Variants in PHACTR1 observed in about 807,000 individuals in gnomAD.
The protein encoded by PHACTR1 is RPEL repeat containing 1.
Under a neutral mutation model 69.2 loss-of-function variants are expected in PHACTR1, and 16 were observed. The ratio of observed to expected loss-of-function variants is 0.23; its 90% confidence interval spans 0.16 to 0.35. The LOEUF (loss-of-function observed/expected upper bound fraction) is 0.35. PHACTR1 is among the 10% of genes least tolerant of loss of function. The pLI is 1.00. For missense variants in PHACTR1, 510 were observed against 734.7 expected, an observed-to-expected ratio of 0.69 and a Z score of 3.54; for synonymous variants, 312 against 284.5, an observed-to-expected ratio of 1.10 and a Z score of -0.97.
At chr6:13,161,682 T>G (rs145155966) in intron 6 of PHACTR1, among the ~76,000 whole-genome samples, 4 of 152,296 alleles carry the variant, frequency 2.6e-5, no homozygotes, top group Non-Finnish European at 5.9e-5. Flanking sequence ...TGGCGCATCT[T>G]TCAGACTCCA....
intron 4 of PHACTR1, among the ~76,000 whole-genome samples, chr6:12,959,109 G>A (rs754878733): frequency 1.4e-5 from 2 of 147,520 alleles, no homozygotes; most frequent in African/African-American, 2.5e-5. Flanking sequence ...CCCAGGAGGC[G>A]GAGGCTGCAG....
intron 4 of PHACTR1, among the ~76,000 whole-genome samples, chr6:12,786,694 A>G (rs967090549): frequency 6.6e-6 from 1 of 152,230 alleles, no homozygotes; most frequent in African/African-American, 2.4e-5. Context: ...GTACAAGAGC[A>G]AAGCTCTTCA....
intron 4 of PHACTR1, among the ~76,000 whole-genome samples, chr6:12,893,088 A>G (rs1399053931): frequency 6.6e-6 from 1 of 152,216 alleles, no homozygotes. Flanking sequence ...ATTGGAAAGA[A>G]AGGAAAATCA....
At chr6:13,108,038 A>T (rs1816455560) in intron 5 of PHACTR1, among the ~76,000 whole-genome samples, 1 of 152,124 alleles carries the variant, frequency 6.6e-6, no homozygotes, top group Non-Finnish European at 1.5e-5. Context: ...CACTTAAAGC[A>T]CTGCTTCAGC....
At chr6:12,847,660 G>GA (rs1454041809) in intron 4 of PHACTR1, among the ~76,000 whole-genome samples, 1 of 151,828 alleles carries the variant, frequency 6.6e-6, no homozygotes, top group Admixed American at 6.6e-5. Flanking sequence ...TCTAGTATAA[G>GA]AAAAAAATTA....
At chr6:13,147,336 C>T (rs1399984325) in intron 5 of PHACTR1, among the ~76,000 whole-genome samples, 3 of 152,212 alleles carry the variant, frequency 2.0e-5, no homozygotes, top group Admixed American at 2.0e-4. Context: ...TTCCTCGGTG[C>T]ACTCCCAAGA....
In PHACTR1 at chr6:12,874,329, T is replaced by A. The variant is rs143801849; in HGVS notation, c.250+124539T>A. ...CAATCCAGTAAGGGGCATCTGAGAG[T>A]TGAGAATAAGGGGAGAGCTGAACTC... is the stretch of plus-strand genomic sequence containing the variant. On this transcript the variant is annotated intron_variant, in intron 4 of 14. Transcript: ENST00000332995. 3.9e-4 allele frequency among the ~76,000 whole-genome samples: 59 copies of A among 152,040 alleles called. 2 individuals carry two copies. The East Asian group carries it at 8.5e-3, about 22-fold the overall frequency.
intron 4 of PHACTR1, among the ~76,000 whole-genome samples, chr6:12,897,263 C>T (rs561695872): frequency 2.0e-5 from 3 of 152,286 alleles, no homozygotes; most frequent in East Asian, 3.9e-4. Flanking sequence ...GGAGATTTAG[C>T]GGTATCTATG....
chr6:12,869,642 G>A (rs1241733848), intron 4 of PHACTR1, among the ~76,000 whole-genome samples: 1 of 152,162 alleles, frequency 6.6e-6, no homozygotes, highest in Non-Finnish European at 1.5e-5. Flanking sequence ...GCTGACCATA[G>A]TGCTTTTGTT....
chr6:13,101,267 TC>T (rs2037569999), intron 5 of PHACTR1, among the ~76,000 whole-genome samples: 1 of 152,206 alleles, frequency 6.6e-6, no homozygotes, highest in East Asian at 1.9e-4. Flanking sequence ...AGAACTCACT[TC>T]TATAACAGTC....
At chr6:12,833,919 C>T (rs1176214557) in intron 4 of PHACTR1, among the ~76,000 whole-genome samples, 1 of 152,084 alleles carries the variant, frequency 6.6e-6, no homozygotes, top group Admixed American at 6.6e-5. Context: ...GTAACTCCCT[C>T]CAGCTGGAGT....
At chr6:12,817,875 G>A (rs1055502415) in intron 4 of PHACTR1, among the ~76,000 whole-genome samples, 1 of 150,620 alleles carries the variant, frequency 6.6e-6, no homozygotes, top group Admixed American at 6.6e-5. Flanking sequence ...CCAGCCTGGA[G>A]TGCAGTGGCA....
At chr6:13,117,644 G>A (rs149708955) in intron 5 of PHACTR1, among the ~76,000 whole-genome samples, 187 of 152,282 alleles carry the variant, frequency 1.2e-3, no homozygotes, top group African/African-American at 4.0e-3. Context: ...GTGAATGTGT[G>A]CGTATTTTAA....
At chr6:13,073,157 C>T (rs893646687) in intron 5 of PHACTR1, among the ~76,000 whole-genome samples, 6 of 145,824 alleles carry the variant, frequency 4.1e-5, no homozygotes, top group Admixed American at 2.0e-4. Context: ...GGAAGATCTC[C>T]GGATCATAAA....
chr6:12,882,697 G>A (rs1206051726), intron 4 of PHACTR1, among the ~76,000 whole-genome samples: 1 of 152,168 alleles, frequency 6.6e-6, no homozygotes. Context: ...CCCCAGGTTG[G>A]AGCAAACCCT....
chr6:13,102,694 A>T (rs1167839411), intron 5 of PHACTR1, among the ~76,000 whole-genome samples: 5 of 152,214 alleles, frequency 3.3e-5, no homozygotes, highest in Non-Finnish European at 7.3e-5. Context: ...CCCAGAAGAA[A>T]AAAATGTTGC....
rs539936822 is a variant in PHACTR1, at chr6:12,865,284, AG to A, written c.250+115495del. Among the ~76,000 whole-genome samples, 269 of 152,320 alleles carry A rather than the reference AG, an allele frequency of 1.8e-3. 1 individual carries two copies. Among genetic ancestry groups the A allele is most frequent in the African/African-American group, 6.3e-3 (262 of 41,568 alleles). ...ATGTTATTTATACTGACATCTTGAC[AG>A]CACTGCTTCAGACTAGTGAAATGCC... On this transcript the variant is annotated intron_variant, in intron 4 of 14. Transcript: ENST00000332995.
At chr6:12,763,457 A>G (rs1279878768) in intron 4 of PHACTR1, among the ~76,000 whole-genome samples, 3 of 152,220 alleles carry the variant, frequency 2.0e-5, no homozygotes, top group East Asian at 1.9e-4. Flanking sequence ...TATATCATCT[A>G]TGGAGTCCTT....
chr6:12,797,551 A>C (rs568702659), intron 4 of PHACTR1, among the ~76,000 whole-genome samples: 1 of 152,286 alleles, frequency 6.6e-6, no homozygotes, highest in Admixed American at 6.5e-5. Context: ...ATAAACAATA[A>C]TGCAGGAGGA....
Sources: gnomAD v4.1 joint callset for allele counts (sites outside exome capture counted in the v4.1 genomes callset) on GRCh38, gnomAD v4.1.1 for gene constraint, MANE v1.5 for transcripts, NCBI Gene and HGNC (gene_info 2026-07-23, HGNC 2026-07-21) for gene names.